Variants in LPIN1 observed in about 807,000 individuals in gnomAD.
LPIN1 encodes the protein lipin 1, also known as phosphatidate phosphatase LPIN1.
Under a neutral mutation model 107.5 loss-of-function variants are expected in LPIN1, and 71 were observed. The ratio of observed to expected loss-of-function variants is 0.66; its 90% confidence interval spans 0.55 to 0.80. LPIN1 has a LOEUF of 0.80. LPIN1 is among the 30% of genes least tolerant of loss of function. The pLI, the probability that LPIN1 is intolerant of heterozygous loss-of-function variation, is 0.00. For synonymous variants in LPIN1, 445 were observed against 452.6 expected, an observed-to-expected ratio of 0.98 and a Z score of 0.21; for missense variants, 1,043 against 1,160.6, an observed-to-expected ratio of 0.90 and a Z score of 1.47.
chr2:11,773,868 G>A (rs1370191381), intron 5 of LPIN1, 123 bp downstream of exon 5: 12 of 1,119,418 alleles, frequency 1.1e-5, no homozygotes, highest in Admixed American at 3.9e-5. Flanking sequence ...GGAAAAACAC[G>A]GTGTAGAGTC....
intron 1 of LPIN1, among the ~76,000 whole-genome samples, chr2:11,684,754 C>T (rs1191609901): frequency 2.2e-5 from 3 of 134,878 alleles, no homozygotes; most frequent in Non-Finnish European, 4.8e-5. Context: ...TCCCTTCCTT[C>T]CATTGTTTTT....
intron 1 of LPIN1, among the ~76,000 whole-genome samples, chr2:11,694,565 A>G (rs11684640): frequency 2.0e-5 from 3 of 152,172 alleles, no homozygotes; most frequent in South Asian, 4.1e-4. Flanking sequence ...TTGTGTATGT[A>G]TCTGAAGCTT....
chr2:11,688,402 G>T (rs923322642), intron 1 of LPIN1, among the ~76,000 whole-genome samples: 1 of 152,208 alleles, frequency 6.6e-6, no homozygotes, highest in African/African-American at 2.4e-5. Context: ...TCTTTTCAGA[G>T]CAGCACGGAG....
At chr2:11,789,023 A>G (rs1675171728) in intron 12 of LPIN1, among the ~76,000 whole-genome samples, 2 of 152,214 alleles carry the variant, frequency 1.3e-5, no homozygotes. Context: ...CAGTGTTCTC[A>G]TCCTACCCCA....
intron 1 of LPIN1, among the ~76,000 whole-genome samples, chr2:11,705,829 A>C (rs1030006809): frequency 2.8e-4 from 42 of 152,146 alleles, no homozygotes; most frequent in Admixed American, 2.4e-3. Context: ...AATGGCTTTA[A>C]TCATAGAGGT....
At chr2:11,708,622 G>C (rs1019353223) in intron 1 of LPIN1, among the ~76,000 whole-genome samples, 3 of 152,174 alleles carry the variant, frequency 2.0e-5, no homozygotes, top group African/African-American at 4.8e-5. Flanking sequence ...CAATGGAGCA[G>C]GAGGCACAGG....
chr2:11,768,135 T>C (rs1671235514), intron 3 of LPIN1, among the ~76,000 whole-genome samples: 1 of 152,214 alleles, frequency 6.6e-6, no homozygotes, highest in Non-Finnish European at 1.5e-5. Flanking sequence ...CCTGGACCAC[T>C]GTCAGAGGTG....
In LPIN1 at chr2:11,783,841, G is replaced by A. The variant is rs747610587; in HGVS notation, c.1277G>A (p.Arg426Gln). ...TTTGCCGTTTTAGATAAACGAAGCC[G>A]ACATCTTGGTGCTGACGGCGTCTAC... ...SPSRKRDKRSRHLGADGVYLD... is the reference protein window; with the variant it reads ...SPSRKRDKRSQHLGADGVYLD... The change falls in exon 9 of 21, where the codon CGA becomes CAA. Residue 426 changes from arginine (R) to glutamine (Q), a missense_variant. Coordinates refer to ENST00000674199, the MANE Select transcript of LPIN1 (RefSeq NM_001349206.2). 9.9e-6 allele frequency: 16 copies of A among 1,613,984 alleles called. No individual in the cohort carries two copies. The highest frequency in any genetic ancestry group is 2.2e-5 in the East Asian group (1 of 44,894).
chr2:11,781,035 A>G (rs1673490875), intron 7 of LPIN1, among the ~76,000 whole-genome samples: 2 of 152,242 alleles, frequency 1.3e-5, no homozygotes, highest in African/African-American at 2.4e-5. Context: ...ATGTTATTAT[A>G]TCACAAGCTT....
intron 1 of LPIN1, among the ~76,000 whole-genome samples, chr2:11,708,997 A>G (rs1481759311): frequency 2.0e-5 from 3 of 152,160 alleles, no homozygotes; most frequent in Non-Finnish European, 4.4e-5. Flanking sequence ...TATTAAATGA[A>G]TTGCTCAAGA....
chr2:11,820,024 C>T (rs889887155), intron 19 of LPIN1, among the ~76,000 whole-genome samples: 1 of 152,048 alleles, frequency 6.6e-6, no homozygotes, highest in Non-Finnish European at 1.5e-5. Flanking sequence ...ATGTATTGCC[C>T]GCATTTACTG....
intron 1 of LPIN1, chr2:11,763,269 C>A: frequency 6.5e-6 from 1 of 152,756 alleles, no homozygotes; most frequent in Non-Finnish European, 1.5e-5. Flanking sequence ...CTGCCATGAC[C>A]CAGTCCAGGG....
chr2:11,762,588 T>C (rs1180617006), intron 1 of LPIN1, among the ~76,000 whole-genome samples: 1 of 152,120 alleles, frequency 6.6e-6, no homozygotes, highest in Non-Finnish European at 1.5e-5. Context: ...CAGAAGACAC[T>C]CCTTTCACCT....
At position 11,707,649 on chromosome 2, in the gene LPIN1, G is replaced by A. The variant is rs1050129349; in HGVS notation, c.82-6107G>A. Among the ~76,000 whole-genome samples the A allele has an allele frequency of 4.6e-5, 7 of 152,284 alleles. No homozygotes were observed. The highest frequency in any genetic ancestry group is 1.7e-4 in the African/African-American group (7 of 41,558). On this transcript the variant is annotated intron_variant, in intron 1 of 21. Transcript: ENST00000449576. The surrounding 1 kb of genome is among the most constrained non-coding windows in gnomAD (Gnocchi z 4.2). ...TGGGACTGGGTGGTGGTGCACGCAC[G>A]GGGAGAAGTGCTCGGGGTCCCCCAC...
rs555851933 is a variant in LPIN1, at chr2:11,825,103, C to T, written c.*312C>T. The T allele has an allele frequency of 3.2e-5, 13 of 411,716 alleles. No homozygotes were observed. The highest frequency in any genetic ancestry group is 1.1e-4 in the Admixed American group (3 of 27,148). The allele number at this position is 411,716 out of a possible 1,614,324, so 25.5% of individuals were successfully genotyped here. A position where few individuals can be genotyped will look rare whatever the true frequency, so the allele number is the denominator to read the frequency against. On this transcript the variant is annotated 3_prime_UTR_variant, in exon 21 of 21. Transcript: ENST00000674199. The surrounding 1 kb of genome is among the most constrained non-coding windows in gnomAD (Gnocchi z 4.1). ...GCTCCAGCAAGTAGCTACTGGTTCA[C>T]GTGCAGTTTGGGGCTGTGAAACCTA...
intron 1 of LPIN1, among the ~76,000 whole-genome samples, chr2:11,755,258 C>T (rs530629431): frequency 1.3e-5 from 2 of 152,294 alleles, no homozygotes; most frequent in South Asian, 2.1e-4. Context: ...TGAGCCACCG[C>T]GCCCGGCCAT....
chr2:11,700,797 C>T lies in LPIN1; in HGVS notation c.82-12959C>T, dbSNP rs140614809. Among the ~76,000 whole-genome samples, 58 of 152,302 alleles carry T rather than the reference C, an allele frequency of 3.8e-4. No individual in the cohort carries two copies. In the East Asian group the frequency reaches 0.01, roughly 27 times the overall value. ...ATAAGTATACATGCCCAGCACAGCA[C>T]GGAGCACACGATTCGTCCTCGCTCT... is the stretch of plus-strand genomic sequence containing the variant. On this transcript the variant is annotated intron_variant, in intron 1 of 21. Coordinates refer to the LPIN1 transcript ENST00000449576.
chr2:11,776,043 G>A (rs751020215), intron 5 of LPIN1, 43 bp from the exon 6 acceptor site: 10 of 1,123,450 alleles, frequency 8.9e-6, no homozygotes, highest in Non-Finnish European at 1.3e-5. Flanking sequence ...ATTGACCTCT[G>A]ATTTTGTCTT....
chr2:11,746,489 G>A, upstream of LPIN1: 1 of 221,008 alleles, frequency 4.5e-6, no homozygotes. Flanking sequence ...GGCAGGGCCG[G>A]CCAGCAGGCC....
Sources: allele counts gnomAD v4.1 joint callset (sites outside exome capture counted in the v4.1 genomes callset), GRCh38; gene constraint gnomAD v4.1.1; non-coding constraint Gnocchi (gnomAD v3.1); transcripts MANE v1.5; gene names NCBI Gene and HGNC (gene_info 2026-07-23, HGNC 2026-07-21).